The following TUSC3 variants were observed in gnomAD, a reference collection of about 807,000 sequenced individuals.
TUSC3 encodes the protein dolichyl-diphosphooligosaccharide--protein glycosyltransferase subunit TUSC3.
In TUSC3, 45 loss-of-function variants were observed where a neutral mutation model predicts 44.8. The observed-to-expected ratio is 1.00, with a 90% CI of 0.79 to 1.29. The LOEUF is 1.29. Ranked by LOEUF, TUSC3 falls within the 50% of genes most tolerant of loss-of-function variation. The pLI, the probability that TUSC3 is intolerant of heterozygous loss-of-function variation, is 0.00. For synonymous variants in TUSC3, 212 were observed against 152.9 expected (o/e 1.39, Z -2.85); for missense variants, 519 against 437.9 (o/e 1.19, Z -1.65).
At chr8:15,709,695 T>A (rs10086945) in intron 6 of TUSC3, among the ~76,000 whole-genome samples, 48,058 of 151,620 alleles carry the variant, frequency 0.32, 7,972 homozygotes, top group Admixed American at 0.41. Context: ...TTAGTCCTTA[T>A]AGTATCCTTA....
At chr8:15,711,253 T>G (rs1295794751) in intron 6 of TUSC3, among the ~76,000 whole-genome samples, 2 of 151,848 alleles carry the variant, frequency 1.3e-5, no homozygotes, top group Non-Finnish European at 2.9e-5. Context: ...GGCAGTATTT[T>G]AAGGGTTCTC....
rs1812317163 is a variant in TUSC3 at position 15,766,067 on chromosome 8, C to G, written c.*1911C>G. The G allele has an allele frequency of 6.6e-6, 1 of 151,662 alleles. No homozygotes were observed. Among genetic ancestry groups the G allele is most frequent in the Admixed American group, 6.6e-5 (1 of 15,208 alleles). The allele number at this position is 151,662 out of a possible 1,614,324, so 9.4% of individuals were successfully genotyped here. Reference sequence around the variant, plus strand: ...CTATAACTAAGATAGATAAGGAGTACTTTACTATACCATATTAGTAAAGGT... The same window carrying G: ...CTATAACTAAGATAGATAAGGAGTAGTTTACTATACCATATTAGTAAAGGT... On this transcript the variant is annotated 3_prime_UTR_variant, in exon 11 of 11. Coordinates refer to ENST00000503731, the MANE Select transcript of TUSC3 (RefSeq NM_006765.4).
chr8:15,824,474 A>AT, the TUSC3 span, among the ~76,000 whole-genome samples: 4 of 151,574 alleles, frequency 2.6e-5, no homozygotes, highest in Non-Finnish European at 4.4e-5. Context: ...TGAACTCATC[A>AT]TTTTTTATGG....
At chr8:15,736,720 C>T (rs1412966430) in intron 7 of TUSC3, among the ~76,000 whole-genome samples, 1 of 152,050 alleles carries the variant, frequency 6.6e-6, no homozygotes, top group Non-Finnish European at 1.5e-5. Context: ...ACTAATCTGC[C>T]TTTTTTTCTA....
chr8:15,679,147 G>A (rs1422495320), intron 6 of TUSC3, among the ~76,000 whole-genome samples: 1 of 152,116 alleles, frequency 6.6e-6, no homozygotes, highest in Non-Finnish European at 1.5e-5. Context: ...AGGTAGAATG[G>A]CAGTTCTAAT....
the TUSC3 span, among the ~76,000 whole-genome samples, chr8:15,827,150 C>T: frequency 6.6e-6 from 1 of 152,130 alleles, no homozygotes; most frequent in African/African-American, 2.4e-5. Flanking sequence ...ACTATAAGTA[C>T]ATCCCTCTCC....
chr8:15,780,585 G>A, the TUSC3 span, among the ~76,000 whole-genome samples: 1 of 152,214 alleles, frequency 6.6e-6, no homozygotes, highest in Non-Finnish European at 1.5e-5. Flanking sequence ...GCCTGTTGCT[G>A]CTGACCATTA....
intron 3 of TUSC3, among the ~76,000 whole-genome samples, chr8:15,654,444 T>A (rs895064644): frequency 6.6e-6 from 1 of 152,160 alleles, no homozygotes; most frequent in Non-Finnish European, 1.5e-5. Context: ...ATCACACTTA[T>A]TAGATACATT....
chr8:15,709,627 T>G lies in TUSC3; in HGVS notation c.799-21039T>G, dbSNP rs189201706. 3.1e-3 allele frequency among the ~76,000 whole-genome samples: 475 copies of G among 151,776 alleles called. 2 individuals are homozygous for G. The highest frequency in any genetic ancestry group is 0.01 in the African/African-American group (429 of 41,480). On this transcript the variant is annotated intron_variant, in intron 6 of 10. Transcript: ENST00000503731. ...AAAATGTGGATGATGAGGAGGAGGA[T>G]GATGATGATGATGATAAATTACCTT...
At chr8:15,612,412 G>A (rs1285568964) in intron 1 of TUSC3, among the ~76,000 whole-genome samples, 1 of 152,064 alleles carries the variant, frequency 6.6e-6, no homozygotes, top group Admixed American at 6.5e-5. Flanking sequence ...GCTTCACTTT[G>A]GAATGAACCA....
At chr8:15,535,179 G>C (rs1801504894) in intron 2 of TUSC3, among the ~76,000 whole-genome samples, 1 of 152,300 alleles carries the variant, frequency 6.6e-6, no homozygotes, top group Non-Finnish European at 1.5e-5. Flanking sequence ...TAGCAGGTTA[G>C]ATTCTGGAAA....
chr8:15,625,590 T>C (rs1188648407), intron 2 of TUSC3, among the ~76,000 whole-genome samples: 2 of 152,198 alleles, frequency 1.3e-5, no homozygotes, highest in African/African-American at 4.8e-5. Flanking sequence ...TTTTGTACTA[T>C]AACTGCATGT....
chr8:15,477,246 T>C (rs1800588390), intron 1 of TUSC3, among the ~76,000 whole-genome samples: 1 of 152,206 alleles, frequency 6.6e-6, no homozygotes, highest in African/African-American at 2.4e-5. Context: ...TTTAGTTGTC[T>C]ATGAGGTTAA....
chr8:15,770,294 A>C (rs1563215593), downstream of TUSC3, among the ~76,000 whole-genome samples: 1 of 152,158 alleles, frequency 6.6e-6, no homozygotes, highest in Non-Finnish European at 1.5e-5. Context: ...CATCCTCAGC[A>C]AACTAACACA....
chr8:15,420,284 G>A (rs1277038337), intron 1 of TUSC3, among the ~76,000 whole-genome samples: 1 of 152,008 alleles, frequency 6.6e-6, no homozygotes, highest in Non-Finnish European at 1.5e-5. Flanking sequence ...ATCACTTGAG[G>A]TCAGAAGCTG....
chr8:15,563,991 A>G (rs958088860), intron 1 of TUSC3, among the ~76,000 whole-genome samples: 4 of 152,270 alleles, frequency 2.6e-5, no homozygotes, highest in Admixed American at 6.5e-5. Context: ...TTGGTGGGAC[A>G]TACTTTTAAA....
chr8:15,445,411 C>G (rs1007784289), intron 1 of TUSC3, among the ~76,000 whole-genome samples: 1 of 151,898 alleles, frequency 6.6e-6, no homozygotes, highest in Admixed American at 6.6e-5. Context: ...GGAAGGTTAG[C>G]AGATAAACAT....
At chr8:15,629,675 A>G (rs954106031) in intron 2 of TUSC3, among the ~76,000 whole-genome samples, 15 of 150,094 alleles carry the variant, frequency 1.0e-4, no homozygotes, top group Admixed American at 6.7e-4. Flanking sequence ...TGAAAAGTTC[A>G]TAGTTAGAAT....
intron 6 of TUSC3, among the ~76,000 whole-genome samples, chr8:15,727,922 T>C (rs531152621): frequency 1.6e-4 from 25 of 152,210 alleles, no homozygotes; most frequent in Non-Finnish European, 2.6e-4. Flanking sequence ...AGTAGTTTGT[T>C]CATAATAACA....
Sources: allele counts gnomAD v4.1 joint callset (sites outside exome capture counted in the v4.1 genomes callset), GRCh38; gene constraint gnomAD v4.1.1; transcripts MANE v1.5; gene names NCBI Gene and HGNC (gene_info 2026-07-23, HGNC 2026-07-21).